MBLAC2: variants seen among roughly 807,000 people sequenced by gnomAD.
MBLAC2 encodes the protein acyl-coenzyme A thioesterase MBLAC2.
A neutral mutation model predicts 23.3 loss-of-function variants in MBLAC2; 24 were observed. The observed-to-expected ratio is 1.03, with a 90% confidence interval of 0.75 to 1.45. The LOEUF (loss-of-function observed/expected upper bound fraction) is 1.45. MBLAC2 is among the 40% of genes most tolerant of loss of function. The pLI is 0.00. For synonymous variants in MBLAC2, 162 were observed against 150.9 expected, an observed-to-expected ratio of 1.07 and a Z score of -0.54; for missense variants, 358 against 370.0, an observed-to-expected ratio of 0.97 and a Z score of 0.27.
chr5:90,470,756 G>GCACACACACACACA lies in MBLAC2; in HGVS notation c.454+3069_454+3082dup, dbSNP rs35909248. On this transcript the variant is annotated intron_variant, in intron 1 of 1. Transcript: ENST00000316610. ...ATCCTTCTAGAAAACTAGCGCGCGC[G>GCACACACACACACA]CACACACACACACACACACACACAC... Among the ~76,000 whole-genome samples, 235 of 140,646 alleles carry GCACACACACACACA rather than the reference G, an allele frequency of 1.7e-3. 2 individuals are homozygous for GCACACACACACACA. Among genetic ancestry groups the GCACACACACACACA allele is most frequent in the African/African-American group, 6.0e-3 (223 of 37,194 alleles). 92.3% of individuals were successfully genotyped at this position (140,646 alleles called of 152,430 possible). A position where few individuals can be genotyped will look rare whatever the true frequency, so the allele number is the denominator to read the frequency against.
Position 90,461,436 on chromosome 5 carries a change from C to A in MBLAC2, c.571G>T (p.Val191Leu). 1 of 1,614,152 alleles carries A rather than the reference C, an allele frequency of 6.2e-7. No individual in the cohort carries two copies. Among genetic ancestry groups the A allele is most frequent in the Non-Finnish European group, 8.5e-7 (1 of 1,180,030 alleles). The change falls in exon 2 of 2, where the codon GTG (valine) becomes TTG (leucine). Residue 191 changes from valine to leucine, a missense_variant. Transcript: ENST00000316610. ...DRKILFSGDV[V>L]YDGSLIDWLP... is the part of the protein sequence containing the mutation. Reference sequence around the variant, plus strand: ...CAGTCAATCAGTGATCCATCATACACGACGTCTCCACTGAAGAGAATCTTT... The same window carrying A: ...CAGTCAATCAGTGATCCATCATACAAGACGTCTCCACTGAAGAGAATCTTT...
At chr5:90,468,830 T>C (rs984267271) in intron 1 of MBLAC2, among the ~76,000 whole-genome samples, 1 of 152,184 alleles carries the variant, frequency 6.6e-6, no homozygotes, top group Admixed American at 6.5e-5. Flanking sequence ...TGAATGATCA[T>C]TGGGTCAACA....
chr5:90,473,423 C>T, intron 1 of MBLAC2: 1 of 506,768 alleles, frequency 2.0e-6, no homozygotes, highest in Non-Finnish European at 3.5e-6. Flanking sequence ...CAGATCATGA[C>T]ATGCACTCTC....
intron 1 of MBLAC2, among the ~76,000 whole-genome samples, chr5:90,471,397 A>G (rs988436665): frequency 2.6e-5 from 4 of 152,070 alleles, no homozygotes; most frequent in Non-Finnish European, 5.9e-5. Context: ...GGGCAAAATG[A>G]TGTATGCCCA....
At chr5:90,469,890 C>T (rs529311039) in intron 1 of MBLAC2, among the ~76,000 whole-genome samples, 8 of 152,184 alleles carry the variant, frequency 5.3e-5, no homozygotes, top group African/African-American at 1.9e-4. Context: ...TATGTACATC[C>T]AAAAGAAAGG....
At chr5:90,461,759 A>C (rs1580179631) in intron 1 of MBLAC2, among the ~76,000 whole-genome samples, 2 of 152,240 alleles carry the variant, frequency 1.3e-5, no homozygotes, top group African/African-American at 4.8e-5. Context: ...CAAAGCAAGT[A>C]ATGTGGAACA....
chr5:90,473,727 G>T, intron 1 of MBLAC2, 112 bp downstream of exon 1: 1 of 1,063,474 alleles, frequency 9.4e-7, no homozygotes, highest in Non-Finnish European at 1.4e-6. Context: ...GCTCTGCGAG[G>T]TGCCAAAATA....
intron 1 of MBLAC2, among the ~76,000 whole-genome samples, chr5:90,470,631 G>A (rs577807209): frequency 6.6e-6 from 1 of 152,148 alleles, no homozygotes; most frequent in East Asian, 1.9e-4. Context: ...AGATTCCCTA[G>A]ATAACATTTT....
intron 1 of MBLAC2, among the ~76,000 whole-genome samples, chr5:90,462,906 C>T (rs780542837): frequency 1.3e-5 from 2 of 152,178 alleles, no homozygotes; most frequent in Non-Finnish European, 2.9e-5. Context: ...TACTCCAAAA[C>T]AGCAAAGTAC....
intron 1 of MBLAC2, among the ~76,000 whole-genome samples, chr5:90,465,776 A>G (rs538506190): frequency 6.6e-6 from 1 of 152,264 alleles, no homozygotes; most frequent in Non-Finnish European, 1.5e-5. Flanking sequence ...TTTGTTGCCT[A>G]GGCTAGTCTT....
At chr5:90,473,459 T>C in intron 1 of MBLAC2, 2 of 564,732 alleles carry the variant, frequency 3.5e-6, no homozygotes, top group Non-Finnish European at 6.2e-6. Context: ...CTTAAAAGTC[T>C]GCTCACTACG....
In MBLAC2 at chr5:90,461,371, A is replaced by G. The variant is rs1461023579; in HGVS notation, c.636T>C (p.Cys212=). 1.2e-6 allele frequency: 2 copies of G among 1,614,200 alleles called. No homozygotes were observed. Among genetic ancestry groups the G allele is most frequent in the East Asian group, 4.5e-5 (2 of 44,886 alleles). Residue 212 remains cysteine, a synonymous_variant, in exon 2 of 2, where the codon TGT becomes TGC. Transcript: ENST00000316610. The part of the protein sequence containing the change: ...YSRISDYVGT[C]ERLIELVDRG... ...TGTCCACTAATTCTATTAGACGTTC[A>G]CAAGTTCCAACATAGTCACTTATCC...
chr5:90,470,754 G>GCACACACACA (rs112575403), intron 1 of MBLAC2, among the ~76,000 whole-genome samples: 373 of 112,514 alleles, frequency 3.3e-3, no homozygotes, highest in Middle Eastern at 4.5e-3. Context: ...ACTAGCGCGC[G>GCACACACACA]CGCACACACA....
At position 90,470,785 on chromosome 5, in the gene MBLAC2, C is replaced by CAA. The variant is rs3220210; in HGVS notation, c.454+3053_454+3054insTT. ...ACACACACACACACACACACACACA[C>CAA]GCTTTCTTTCTCCTGTTTTCCATAC... On this transcript the variant is annotated intron_variant, in intron 1 of 1. Transcript: ENST00000316610. Among the ~76,000 whole-genome samples the CAA allele has an allele frequency of 3.3e-3, 491 of 148,166 alleles. 5 individuals are homozygous for CAA. The highest frequency in any genetic ancestry group is 0.013 in the Admixed American group (195 of 14,736).
In MBLAC2 at chr5:90,461,042, C is replaced by T; in HGVS notation, c.*125G>A. The T allele has an allele frequency of 1.3e-6, 1 of 796,654 alleles. No homozygotes were observed. The highest frequency in any genetic ancestry group is 1.9e-6 in the Non-Finnish European group (1 of 538,502). The allele number at this position is 796,654 out of a possible 1,614,324, so 49.3% of individuals were successfully genotyped here. ...ATTTTCTTTTTGGCTTATTCATTCT[C>T]AATCTTTCTCTGATATATAATAGTG... On this transcript the variant is annotated 3_prime_UTR_variant, in exon 2 of 2. Coordinates refer to ENST00000316610, the MANE Select transcript of MBLAC2 (RefSeq NM_203406.2).
chr5:90,473,332 G>C (rs1750600123), intron 1 of MBLAC2: 1 of 276,008 alleles, frequency 3.6e-6, no homozygotes, highest in Admixed American at 5.5e-5. Context: ...TCACTGGTCT[G>C]ATGACTCTCT....
rs1750305843 is a variant in MBLAC2, at chr5:90,458,700, A to G, written c.*2467T>C. 1 of 152,208 alleles carries G rather than the reference A, an allele frequency of 6.6e-6. No homozygotes were observed. Among genetic ancestry groups the G allele is most frequent in the South Asian group, 2.1e-4 (1 of 4,834 alleles). The allele number at this position is 152,208 out of a possible 1,614,324, so 9.4% of individuals were successfully genotyped here. On this transcript the variant is annotated 3_prime_UTR_variant, in exon 2 of 2. Coordinates refer to ENST00000316610, the MANE Select transcript of MBLAC2 (RefSeq NM_203406.2). ...TACAAGAGAAAGAGAAGTGTGGGGC[A>G]GACAGACCTGTGTTCAGTTACTAGC...
At position 90,461,222 on chromosome 5, in the gene MBLAC2, A is replaced by G. The variant is rs376778488; in HGVS notation, c.785T>C (p.Met262Thr). ...TAGAGCTAAACTTGCAAGAGATCGC[A>G]TGGCAAAAGTAGAAACTTTGTGACA... Reference protein sequence around the residue: ...GICHKVSTFAMRSLASLALRV... With the variant: ...GICHKVSTFATRSLASLALRV... The change falls in exon 2 of 2, where the codon ATG (methionine) becomes ACG (threonine). Residue 262 changes from methionine (M) to threonine (T), a missense_variant. Physicochemically the swap from Met to Thr is moderately conservative, Grantham distance 81. Coordinates refer to ENST00000316610, the MANE Select transcript of MBLAC2 (RefSeq NM_203406.2). The G allele has an allele frequency of 2.9e-5, 47 of 1,613,598 alleles. No homozygotes were observed. The highest frequency in any genetic ancestry group is 3.9e-5 in the Non-Finnish European group (46 of 1,179,856).
chr5:90,473,950 C>CA lies in MBLAC2; in HGVS notation c.342dup (p.Glu115Ter). On this transcript the variant is annotated frameshift_variant, in exon 1 of 2. Transcript: ENST00000316610. LOFTEE classifies it high-confidence loss of function. ...CTATCGGAAAGCCAGGTCACGGTCT[C>CA]AAAGTTGTCCCCGCGAGCCAGCGCC... is the stretch of plus-strand genomic sequence containing the variant. 1 of 1,602,648 alleles carries CA rather than the reference C, an allele frequency of 6.2e-7. No homozygotes were observed.
Sources: gnomAD v4.1 joint callset for allele counts (sites outside exome capture counted in the v4.1 genomes callset) on GRCh38, gnomAD v4.1.1 for gene constraint, MANE v1.5 for transcripts, NCBI Gene and HGNC (gene_info 2026-07-23, HGNC 2026-07-21) for gene names.